The following TBCD variants were observed in gnomAD, a reference collection of about 807,000 sequenced individuals.
TBCD encodes tubulin folding cofactor D.
A neutral mutation model predicts 169.3 loss-of-function variants in TBCD; 105 were observed. That is an observed-to-expected ratio of 0.62 (90% CI 0.53 to 0.73). The LOEUF (loss-of-function observed/expected upper bound fraction) is 0.73, where lower values mean the gene tolerates loss of function less well. Ranked by LOEUF, TBCD falls within the 30% of genes least tolerant of loss-of-function variation. TBCD has a pLI of 0.00. For synonymous variants in TBCD, 700 were observed against 643.9 expected, an observed-to-expected ratio of 1.09 and a Z score of -1.32; for missense variants, 1,444 against 1,600.1, an observed-to-expected ratio of 0.90 and a Z score of 1.66.
intron 13 of TBCD, among the ~76,000 whole-genome samples, chr17:82,848,110 G>A (rs998688714): frequency 4.6e-5 from 7 of 152,216 alleles, no homozygotes; most frequent in Admixed American, 3.3e-4. Context: ...CTGTGGCAGG[G>A]CTGGCAGTTT....
intron 27 of TBCD, among the ~76,000 whole-genome samples, chr17:82,925,935 CGGGTGTCCTTCCTGGGTTGT>C (rs2061714036): frequency 2.0e-5 from 3 of 148,450 alleles, no homozygotes; most frequent in Admixed American, 6.8e-5. Context: ...GACCTCTCCC[CGGGTGTCCTTCCTGGGTTGT>C]ACTGGGGGCC....
Position 82,835,215 on chromosome 17 carries a change from G to GA in TBCD, c.1318+20285dup, listed in dbSNP as rs1213931947. Among the ~76,000 whole-genome samples the GA allele has an allele frequency of 2.0e-5, 3 of 152,132 alleles. No homozygotes were observed. Among genetic ancestry groups the GA allele is most frequent in the African/African-American group, 4.8e-5 (2 of 41,428 alleles). On this transcript the variant is annotated intron_variant, in intron 13 of 38. Coordinates refer to ENST00000355528, the MANE Select transcript of TBCD (RefSeq NM_005993.5). This position sits in a 1 kb window ranked among gnomAD's most constrained non-coding sequence, Gnocchi z 4.5. ...AAAGTCAAGTGAAAAGCCGCCCCTT[G>GA]AAAATAGAGCAACGTGTGTGGGAGC...
chr17:82,906,841 G>A (rs1428604508), intron 20 of TBCD, among the ~76,000 whole-genome samples: 2 of 152,244 alleles, frequency 1.3e-5, no homozygotes, highest in African/African-American at 2.4e-5. Context: ...GCTCGTGTGG[G>A]TGCAGCTGAT....
At chr17:82,878,872 A>G (rs575684675) in intron 14 of TBCD, among the ~76,000 whole-genome samples, 1 of 152,084 alleles carries the variant, frequency 6.6e-6, no homozygotes, top group Admixed American at 6.5e-5. Context: ...GCTTTATTTC[A>G]TCATTCGCTC....
chr17:82,820,179 T>A (rs953279405), intron 13 of TBCD, among the ~76,000 whole-genome samples: 19 of 152,186 alleles, frequency 1.2e-4, no homozygotes, highest in African/African-American at 4.6e-4. Context: ...GATTTCTCCA[T>A]GTTGGCCAGG....
chr17:82,799,661 G>A (rs1158067648), intron 8 of TBCD, among the ~76,000 whole-genome samples: 1 of 152,166 alleles, frequency 6.6e-6, no homozygotes, highest in East Asian at 1.9e-4. Context: ...TCACCTGTGT[G>A]TACTTCCATA....
intron 14 of TBCD, among the ~76,000 whole-genome samples, chr17:82,878,393 C>T (rs1399790389): frequency 2.6e-5 from 4 of 152,222 alleles, no homozygotes; most frequent in South Asian, 2.1e-4. Context: ...CACCAGGTCC[C>T]GTCACCCGCT....
chr17:82,752,141 G>A lies in TBCD; in HGVS notation c.-53G>A, dbSNP rs770452916. The A allele has an allele frequency of 3.8e-5, 56 of 1,456,870 alleles. No individual in the cohort carries two copies. Among genetic ancestry groups the A allele is most frequent in the Non-Finnish European group, 5.0e-5 (55 of 1,107,476 alleles). The allele number at this position is 1,456,870 out of a possible 1,614,324, so 90.2% of individuals were successfully genotyped here. On this transcript the variant is annotated 5_prime_UTR_variant, in exon 1 of 39. Transcript: ENST00000355528. ...TCATCCCTGGCTTTCGCGCTCTAGCGGAGTGGGATCTGCGAACACGTGAGG... is the reference window on the plus strand; with the variant it reads ...TCATCCCTGGCTTTCGCGCTCTAGCAGAGTGGGATCTGCGAACACGTGAGG...
chr17:82,928,033 C>G, intron 30 of TBCD, 45 bp downstream of exon 30: 1 of 1,579,678 alleles, frequency 6.3e-7, no homozygotes, highest in Non-Finnish European at 8.6e-7. Flanking sequence ...AGGGCAGCCC[C>G]GAGCTTGGGG....
chr17:82,928,212 C>G (rs1172513793), intron 30 of TBCD, among the ~76,000 whole-genome samples: 1 of 152,182 alleles, frequency 6.6e-6, no homozygotes, highest in Non-Finnish European at 1.5e-5. Flanking sequence ...GCCCAGTGCC[C>G]CCAGGACGAG....
intron 17 of TBCD, among the ~76,000 whole-genome samples, chr17:82,896,453 G>GT (rs1014108505): frequency 0.024 from 2,201 of 91,440 alleles, 31 homozygotes; most frequent in African/African-American, 0.052. Flanking sequence ...TGTGCTGTCA[G>GT]TTTTTTTTTT....
chr17:82,915,958 A>G lies in TBCD; in HGVS notation c.2038+4169A>G, dbSNP rs2061000023. ...CACCTCCCCTGTCCCCTCAGCAGAG[A>G]CATGGCCGGTGCTGTCGTGCCTTTC... On this transcript the variant is annotated intron_variant, in intron 23 of 38. Transcript: ENST00000355528. This position sits in a 1 kb window ranked among gnomAD's most constrained non-coding sequence, Gnocchi z 4.3. 1.3e-5 allele frequency among the ~76,000 whole-genome samples: 2 copies of G among 152,156 alleles called. No individual in the cohort carries two copies. Among genetic ancestry groups the G allele is most frequent in the Non-Finnish European group, 2.9e-5 (2 of 68,026 alleles).
In TBCD at chr17:82,846,162, G is replaced by T. The variant is rs116999327; in HGVS notation, c.1319-24062G>T. Among the ~76,000 whole-genome samples, 6 of 152,320 alleles carry T rather than the reference G, an allele frequency of 3.9e-5. No homozygotes were observed. The East Asian group carries it at 7.7e-4, about 20-fold the overall frequency. On this transcript the variant is annotated intron_variant, in intron 13 of 38. Transcript: ENST00000355528. ...TGTGGGATGGGACTGGGAGGCTTAG[G>T]GGGTGAGGGTGTAAGCCCTGTGCCT...
rs1474661129 is a variant in TBCD at position 82,850,578 on chromosome 17, C to T, written c.1319-19646C>T. Among the ~76,000 whole-genome samples the T allele has an allele frequency of 5.7e-3, 660 of 115,532 alleles. 12 individuals are homozygous for T. Among genetic ancestry groups the T allele is most frequent in the African/African-American group, 0.019 (602 of 31,842 alleles). The allele number at this position is 115,532 out of a possible 152,430, so 75.8% of individuals were successfully genotyped here. On this transcript the variant is annotated intron_variant, in intron 13 of 38. Transcript: ENST00000355528. ...GGCTGTGCTGTTGTTGGCTGTGCTG[C>T]TGTTGGCTGTCCTGTTGTTGGCTGT...
At position 82,795,703 on chromosome 17, in the gene TBCD, T is replaced by C. The variant is rs1027923273; in HGVS notation, c.772-2054T>C. 1.1e-5 allele frequency: 8 copies of C among 730,738 alleles called. No homozygotes were observed. In the African/African-American group the frequency reaches 1.3e-4, roughly 12 times the overall value. 45.3% of individuals were successfully genotyped at this position (730,738 alleles called of 1,614,324 possible). On this transcript the variant is annotated intron_variant, in intron 7 of 38. Transcript: ENST00000355528. ...CGCACTCTTGCGTGGATCGATTCTG[T>C]GGCCTCGCAGGGTGGGGTGCAGGGG...
rs8074277 is a variant in TBCD at position 82,831,752 on chromosome 17, T to G, written c.1318+16818T>G. On this transcript the variant is annotated intron_variant, in intron 13 of 38. Transcript: ENST00000355528. This position sits in a 1 kb window ranked among gnomAD's most constrained non-coding sequence, Gnocchi z 4.6. ...GGGTACTCTGGGATTGTGGGGTGCA[T>G]GTAAGGGGAAATGGCCCCAAGCCCC... is the stretch of plus-strand genomic sequence containing the variant. 1 of 1,613,736 alleles carries G rather than the reference T, an allele frequency of 6.2e-7. No individual in the cohort carries two copies. The highest frequency in any genetic ancestry group is 8.5e-7 in the Non-Finnish European group (1 of 1,179,982).
intron 12 of TBCD, among the ~76,000 whole-genome samples, chr17:82,812,801 G>A (rs896539902): frequency 5.3e-5 from 8 of 152,116 alleles, no homozygotes; most frequent in Non-Finnish European, 7.4e-5. Flanking sequence ...TCGGCCTCCC[G>A]GAGTGCTGGG....
At chr17:82,894,697 A>T (rs749766963) in intron 17 of TBCD, among the ~76,000 whole-genome samples, 23 of 152,220 alleles carry the variant, frequency 1.5e-4, no homozygotes, top group Non-Finnish European at 2.6e-4. Flanking sequence ...TATGTGGAAA[A>T]TCTACTGGCC....
At chr17:82,862,554 T>A (rs976695022) in intron 13 of TBCD, among the ~76,000 whole-genome samples, 1 of 152,112 alleles carries the variant, frequency 6.6e-6, no homozygotes, top group Non-Finnish European at 1.5e-5. Flanking sequence ...TCTCTCAGTC[T>A]TAGAGAAAAG....
Sources: allele counts gnomAD v4.1 joint callset (sites outside exome capture counted in the v4.1 genomes callset), GRCh38; gene constraint gnomAD v4.1.1; non-coding constraint Gnocchi (gnomAD v3.1); transcripts MANE v1.5; gene names NCBI Gene and HGNC (gene_info 2026-07-23, HGNC 2026-07-21).